The following TSPEAR variants were observed in gnomAD, a reference collection of about 807,000 sequenced individuals.
The protein encoded by TSPEAR is thrombospondin-type laminin G domain and EAR repeat-containing protein.
A neutral mutation model predicts 71.6 loss-of-function variants in TSPEAR; 69 were observed. That is an observed-to-expected ratio of 0.96 (90% confidence interval 0.79 to 1.18). TSPEAR has a LOEUF of 1.18. TSPEAR is among the 50% of genes most tolerant of loss of function. TSPEAR has a pLI of 0.00. For synonymous variants in TSPEAR, 402 were observed against 387.2 expected (o/e 1.04, Z -0.45); for missense variants, 971 against 894.9 (o/e 1.09, Z -1.09).
intron 1 of TSPEAR, among the ~76,000 whole-genome samples, chr21:44,658,503 AT>A (rs1985304592): frequency 6.6e-6 from 1 of 152,110 alleles, no homozygotes; most frequent in South Asian, 2.1e-4. Context: ...ACTAAAACCC[AT>A]GTGAGCCAAA....
chr21:44,536,119 A>G (rs1468714148), intron 2 of TSPEAR, among the ~76,000 whole-genome samples: 1 of 152,198 alleles, frequency 6.6e-6, no homozygotes, highest in Non-Finnish European at 1.5e-5. Flanking sequence ...TTCTTCCTGC[A>G]GCCGCTTGTG....
At chr21:44,668,668 G>T (rs1240566991) in intron 1 of TSPEAR, among the ~76,000 whole-genome samples, 1 of 152,194 alleles carries the variant, frequency 6.6e-6, no homozygotes, top group Non-Finnish European at 1.5e-5. Flanking sequence ...AATCAAAACT[G>T]TGGTACTGGC....
chr21:44,683,604 G>A (rs765954651), intron 1 of TSPEAR, among the ~76,000 whole-genome samples: 22 of 152,116 alleles, frequency 1.4e-4, no homozygotes, highest in Non-Finnish European at 2.6e-4. Flanking sequence ...GGGAGGTTGA[G>A]GATGCCATGA....
rs1986626022 is a variant in TSPEAR at position 44,682,044 on chromosome 21, G to T, written c.82+29389C>A. ...GCACACGGAGGACTGGCAGCCCACGGGGATGTAACAGGATGCCTGGCAGGG... is the reference window on the plus strand; with the variant it reads ...GCACACGGAGGACTGGCAGCCCACGTGGATGTAACAGGATGCCTGGCAGGG... On this transcript the variant is annotated intron_variant, in intron 1 of 11. Coordinates refer to ENST00000323084, the MANE Select transcript of TSPEAR (RefSeq NM_144991.3). 4 of 1,613,972 alleles carry T rather than the reference G, an allele frequency of 2.5e-6. No individual in the cohort carries two copies. The Admixed American group carries it at 6.7e-5, about 27-fold the overall frequency.
intron 1 of TSPEAR, among the ~76,000 whole-genome samples, chr21:44,683,393 C>A (rs569547280): frequency 6.6e-6 from 1 of 152,090 alleles, no homozygotes; most frequent in Non-Finnish European, 1.5e-5. Context: ...TGACCAGGCA[C>A]GGTTGTTTAT....
At chr21:44,627,830 G>A in intron 1 of TSPEAR, 3 of 1,613,614 alleles carry the variant, frequency 1.9e-6, no homozygotes, top group Non-Finnish European at 2.5e-6. Flanking sequence ...CCGGCTTGCT[G>A]CACCACCTCC....
At chr21:44,513,848 G>C (rs376744559) in intron 9 of TSPEAR, among the ~76,000 whole-genome samples, 2 of 152,142 alleles carry the variant, frequency 1.3e-5, no homozygotes, top group Non-Finnish European at 2.9e-5. Flanking sequence ...GCCCTGGTTG[G>C]GGGGGCAGTG....
chr21:44,511,040 TCAG>T (rs1555912598), intron 9 of TSPEAR: 1 of 152,276 alleles, frequency 6.6e-6, no homozygotes, highest in Non-Finnish European at 1.5e-5. Flanking sequence ...GGTGGGACCT[TCAG>T]CAGCATCTGG....
intron 11 of TSPEAR, among the ~76,000 whole-genome samples, chr21:44,504,313 A>ACAG (rs2052139063): frequency 9.3e-6 from 1 of 107,526 alleles, no homozygotes; most frequent in African/African-American, 3.9e-5. Context: ...GTGAGCCCTT[A>ACAG]GGGGGAAGCA....
chr21:44,505,276 A>C (rs1368694188), intron 10 of TSPEAR, among the ~76,000 whole-genome samples: 1 of 151,880 alleles, frequency 6.6e-6, no homozygotes, highest in Non-Finnish European at 1.5e-5. Context: ...ACAGGGTTTC[A>C]CCATGTTGTC....
intron 1 of TSPEAR, among the ~76,000 whole-genome samples, chr21:44,684,666 G>T (rs201571402): frequency 1.3e-5 from 2 of 151,972 alleles, no homozygotes; most frequent in African/African-American, 4.8e-5. Context: ...ACGAGGCCAG[G>T]TGGGCCCTGA....
chr21:44,589,927 AG>A (rs1555926191), intron 1 of TSPEAR, among the ~76,000 whole-genome samples: 1 of 152,236 alleles, frequency 6.6e-6, no homozygotes, highest in African/African-American at 2.4e-5. Context: ...CCGGAGAACC[AG>A]GGCAGGAAGA....
chr21:44,627,958 C>A (rs370276440), intron 1 of TSPEAR: 1 of 1,517,374 alleles, frequency 6.6e-7, no homozygotes, highest in East Asian at 2.4e-5. Flanking sequence ...CAGCTATTGC[C>A]GCCAGGCCTC....
intron 1 of TSPEAR, chr21:44,591,302 T>C (rs1979804418): frequency 2.7e-6 from 4 of 1,506,592 alleles, no homozygotes; most frequent in Non-Finnish European, 3.6e-6. Context: ...TCTGAGGGTG[T>C]CAAAGCCAGA....
At chr21:44,545,134 A>G (rs2053280780) in intron 2 of TSPEAR, among the ~76,000 whole-genome samples, 1 of 152,126 alleles carries the variant, frequency 6.6e-6, no homozygotes, top group South Asian at 2.1e-4. Context: ...CCTGGCTAAC[A>G]TGGTGAAACC....
chr21:44,580,405 G>A, intron 1 of TSPEAR: 1 of 1,613,082 alleles, frequency 6.2e-7, no homozygotes, highest in African/African-American at 1.3e-5. Context: ...GGCAGGGGCT[G>A]GGCTCACAGG....
intron 1 of TSPEAR, among the ~76,000 whole-genome samples, chr21:44,583,760 A>G (rs1979160702): frequency 1.3e-5 from 2 of 151,462 alleles, no homozygotes; most frequent in Admixed American, 6.6e-5. Flanking sequence ...AATAAGAATT[A>G]TATAAATTCA....
chr21:44,498,710 TC>T lies in TSPEAR; in HGVS notation c.*1072del, dbSNP rs587611560. 4 of 152,392 alleles carry T rather than the reference TC, an allele frequency of 2.6e-5. No homozygotes were observed. Among genetic ancestry groups the T allele is most frequent in the South Asian group, 2.1e-4 (1 of 4,826 alleles). The allele number at this position is 152,392 out of a possible 1,614,324, so 9.4% of individuals were successfully genotyped here. The stretch of plus-strand genomic sequence containing the variant: ...TAAACTCTCTGAGGATCGCTCCTGT[TC>T]CGATTTGTGTTGCAGAAGCAGGAGC... On this transcript the variant is annotated 3_prime_UTR_variant, in exon 12 of 12. Coordinates refer to ENST00000323084, the MANE Select transcript of TSPEAR (RefSeq NM_144991.3).
intron 1 of TSPEAR, among the ~76,000 whole-genome samples, chr21:44,604,445 C>T (rs1203687382): frequency 1.3e-5 from 2 of 152,146 alleles, no homozygotes; most frequent in Non-Finnish European, 2.9e-5. Flanking sequence ...ACCATCGAGA[C>T]ACCATGCACA....
Sources: gnomAD v4.1 joint callset for allele counts (sites outside exome capture counted in the v4.1 genomes callset) on GRCh38, gnomAD v4.1.1 for gene constraint, MANE v1.5 for transcripts, NCBI Gene and HGNC (gene_info 2026-07-23, HGNC 2026-07-21) for gene names.